The following UHMK1 variants were observed in gnomAD, a reference collection of about 807,000 sequenced individuals.
The protein encoded by UHMK1 is U2AF homology motif kinase 1.
In UHMK1, 18 loss-of-function variants were observed where a neutral mutation model predicts 44.0. That is an observed-to-expected ratio of 0.41 (90% CI 0.28 to 0.61). The LOEUF (loss-of-function observed/expected upper bound fraction) is 0.61. Ranked by LOEUF, UHMK1 falls within the 20% of genes least tolerant of loss-of-function variation. The pLI, the probability that UHMK1 is intolerant of heterozygous loss-of-function variation, is 0.31. For missense variants in UHMK1, 463 were observed against 522.5 expected (o/e 0.89, Z 1.11); for synonymous variants, 231 against 198.5 (o/e 1.16, Z -1.38).
chr1:162,517,034 C>T (rs1329942191), intron 6 of UHMK1, among the ~76,000 whole-genome samples: 2 of 152,256 alleles, frequency 1.3e-5, no homozygotes, highest in African/African-American at 4.8e-5. Context: ...CGCAGTGGCT[C>T]ACGCCTGTAA....
rs201490274 is a variant in UHMK1 at position 162,519,482 on chromosome 1, G to A, written c.1113+1292G>A. The stretch of plus-strand genomic sequence containing the variant: ...ATCAGTGATAGTTTAAAGAAGGAAA[G>A]TGTGCTGGACTGAGAATTCTTGAAC... On this transcript the variant is annotated intron_variant, in intron 7 of 7. Coordinates refer to ENST00000489294, the MANE Select transcript of UHMK1 (RefSeq NM_175866.5). Among the ~76,000 whole-genome samples the A allele has an allele frequency of 3.3e-5, 5 of 152,226 alleles. No homozygotes were observed. The East Asian group carries it at 7.7e-4, about 24-fold the overall frequency.
At chr1:162,506,054 A>G (rs540072030) in intron 4 of UHMK1, among the ~76,000 whole-genome samples, 1 of 152,286 alleles carries the variant, frequency 6.6e-6, no homozygotes, top group South Asian at 2.1e-4. Flanking sequence ...GTGTTTTTCA[A>G]ATTAGTTTTA....
Position 162,497,891 on chromosome 1 carries a change from TCCCTCC to T in UHMK1, c.-108_-103del. On this transcript the variant is annotated 5_prime_UTR_variant, in exon 1 of 8. Coordinates refer to ENST00000489294, the MANE Select transcript of UHMK1 (RefSeq NM_175866.5). ...CGGGAGTCGGTGAGGCGGCTGCAGGTCCCTCCCTGCGGAGCCGCTGGTCCGGCTGGC... is the reference window on the plus strand; with the variant it reads ...CGGGAGTCGGTGAGGCGGCTGCAGGTCTGCGGAGCCGCTGGTCCGGCTGGC... 7.1e-7 allele frequency: 1 copy of T among 1,413,810 alleles called. No individual in the cohort carries two copies. The highest frequency in any genetic ancestry group is 2.7e-5 in the East Asian group (1 of 36,612). The allele number at this position is 1,413,810 out of a possible 1,614,324, so 87.6% of individuals were successfully genotyped here.
intron 2 of UHMK1, chr1:162,500,584 G>T (rs762188378): frequency 7.6e-6 from 3 of 394,464 alleles, no homozygotes; most frequent in South Asian, 4.1e-5. Context: ...GCTGTATCTC[G>T]TGGCAGAATG....
chr1:162,497,709 C>A, upstream of UHMK1: 1 of 1,008,860 alleles, frequency 9.9e-7, no homozygotes, highest in Non-Finnish European at 1.3e-6. Flanking sequence ...TTCTTATTCT[C>A]GGTTCTTTTT....
At chr1:162,513,408 A>G (rs906285836) in intron 6 of UHMK1, among the ~76,000 whole-genome samples, 1 of 152,064 alleles carries the variant, frequency 6.6e-6, no homozygotes, top group African/African-American at 2.4e-5. Context: ...TGCTTTTAAC[A>G]TTCATTCATT....
intron 3 of UHMK1, among the ~76,000 whole-genome samples, chr1:162,503,534 C>G (rs927757114): frequency 6.7e-6 from 1 of 150,210 alleles, no homozygotes; most frequent in African/African-American, 2.5e-5. Context: ...TCACTTAAAC[C>G]TGGGAGGCAG....
At chr1:162,499,844 T>C in intron 1 of UHMK1, 111 bp from the exon 2 acceptor site, 2 of 956,330 alleles carry the variant, frequency 2.1e-6, no homozygotes, top group Non-Finnish European at 3.1e-6. Flanking sequence ...GGAAGCTTGC[T>C]CATCAAAGTT....
intron 6 of UHMK1, among the ~76,000 whole-genome samples, chr1:162,516,142 A>G (rs996564070): frequency 1.3e-5 from 2 of 152,166 alleles, no homozygotes; most frequent in Non-Finnish European, 2.9e-5. Flanking sequence ...CCACTTTTAA[A>G]TACACGGAGT....
chr1:162,525,434 T>A lies in UHMK1; in HGVS notation c.*2884T>A, dbSNP rs1400977526. ...CTTGCCTCTCACCTTCCCAGTTACT[T>A]CTTTGGGGTATTACTGTGGCACATT... On this transcript the variant is annotated 3_prime_UTR_variant, in exon 8 of 8. Transcript: ENST00000489294. The A allele has an allele frequency of 6.6e-6, 1 of 152,190 alleles. No homozygotes were observed. The highest frequency in any genetic ancestry group is 1.9e-4 in the East Asian group (1 of 5,192). The allele number at this position is 152,190 out of a possible 1,614,324, so 9.4% of individuals were successfully genotyped here.
intron 4 of UHMK1, among the ~76,000 whole-genome samples, chr1:162,508,027 T>C (rs150758009): frequency 2.6e-3 from 390 of 152,320 alleles, no homozygotes; most frequent in African/African-American, 8.7e-3. Flanking sequence ...TCCTGAGTTC[T>C]ATTACCTTAT....
chr1:162,516,955 T>G lies in UHMK1; in HGVS notation c.1025-1147T>G, dbSNP rs531893571. Among the ~76,000 whole-genome samples the G allele has an allele frequency of 2.6e-5, 4 of 152,304 alleles. No individual in the cohort carries two copies. The South Asian group carries it at 8.3e-4, about 32-fold the overall frequency. ...AAAGCAAATTGGAAAAATTATAAATTTATGTCAATTTTGACCCAGCATTTC... is the reference window on the plus strand; with the variant it reads ...AAAGCAAATTGGAAAAATTATAAATGTATGTCAATTTTGACCCAGCATTTC... On this transcript the variant is annotated intron_variant, in intron 6 of 7. Transcript: ENST00000489294.
chr1:162,498,493 T>C (rs1651148779), intron 1 of UHMK1, among the ~76,000 whole-genome samples: 1 of 152,220 alleles, frequency 6.6e-6, no homozygotes, highest in African/African-American at 2.4e-5. Context: ...CTCAGTAAAT[T>C]GTCTTGCTTC....
At position 162,526,768 on chromosome 1, in the gene UHMK1, A is replaced by G. The variant is rs1652265834; in HGVS notation, c.*4218A>G. The G allele has an allele frequency of 1.3e-5, 2 of 152,210 alleles. No individual in the cohort carries two copies. Among genetic ancestry groups the G allele is most frequent in the South Asian group, 4.1e-4 (2 of 4,830 alleles). 9.4% of individuals were successfully genotyped at this position (152,210 alleles called of 1,614,324 possible). The stretch of plus-strand genomic sequence containing the variant: ...ATATTTGATTTTATTCCAATATTAT[A>G]TATGATGGAAAAGCCAGAATTGTCT... On this transcript the variant is annotated 3_prime_UTR_variant, in exon 8 of 8. Coordinates refer to ENST00000489294, the MANE Select transcript of UHMK1 (RefSeq NM_175866.5).
Position 162,521,773 on chromosome 1 carries a change from T to C in UHMK1, c.1114-631T>C, listed in dbSNP as rs566117684. Among the ~76,000 whole-genome samples the C allele has an allele frequency of 2.6e-5, 4 of 152,298 alleles. No individual in the cohort carries two copies. In the East Asian group the frequency reaches 7.7e-4, roughly 29 times the overall value. On this transcript the variant is annotated intron_variant, in intron 7 of 7. Transcript: ENST00000489294. ...CCTCCTGGGTAGCTGGGATTACAGG[T>C]GTGTGCCACCTTGCCCAGCTAATTT...
At chr1:162,518,694 A>C (rs1651930581) in intron 7 of UHMK1, among the ~76,000 whole-genome samples, 1 of 150,188 alleles carries the variant, frequency 6.7e-6, no homozygotes, top group Non-Finnish European at 1.5e-5. Context: ...TCTCAAAAAA[A>C]AAAACTACTT....
chr1:162,519,863 T>C (rs185480477), intron 7 of UHMK1, among the ~76,000 whole-genome samples: 2 of 152,284 alleles, frequency 1.3e-5, no homozygotes, highest in Admixed American at 1.3e-4. Context: ...ATGTCTGTCC[T>C]CTAGGGGGTG....
chr1:162,498,503 C>T (rs922979037), intron 1 of UHMK1, among the ~76,000 whole-genome samples: 14 of 152,168 alleles, frequency 9.2e-5, no homozygotes, highest in African/African-American at 2.9e-4. Context: ...TGTCTTGCTT[C>T]GAGTCTCATC....
At chr1:162,497,552 T>C (rs1651091146), upstream of UHMK1, among the ~76,000 whole-genome samples, 1 of 152,058 alleles carries the variant, frequency 6.6e-6, no homozygotes, top group African/African-American at 2.4e-5. Context: ...CTATGAGAAA[T>C]GTAGGCCGGG....
Sources: allele counts gnomAD v4.1 joint callset (sites outside exome capture counted in the v4.1 genomes callset), GRCh38; gene constraint gnomAD v4.1.1; transcripts MANE v1.5; gene names NCBI Gene and HGNC (gene_info 2026-07-23, HGNC 2026-07-21).